The following EBF4 variants were observed in gnomAD, a reference collection of about 807,000 sequenced individuals.
EBF4 encodes transcription factor COE4.
Under a neutral mutation model 67.1 loss-of-function variants are expected in EBF4, and 34 were observed. That is an observed-to-expected ratio of 0.51 (90% confidence interval 0.39 to 0.67). The LOEUF is 0.67. EBF4 is among the 30% of genes least tolerant of loss of function. EBF4 has a pLI of 0.00. For missense variants in EBF4, 837 were observed against 873.3 expected (o/e 0.96, Z 0.52); for synonymous variants, 387 against 377.7 (o/e 1.02, Z -0.29).
At chr20:2,717,280 A>C (rs575416461) in intron 6 of EBF4, among the ~76,000 whole-genome samples, 2 of 152,252 alleles carry the variant, frequency 1.3e-5, no homozygotes, top group African/African-American at 4.8e-5. Flanking sequence ...TTAGGAATAC[A>C]AGAGTAAACA....
At chr20:2,741,255 T>A (rs992793537) in intron 6 of EBF4, among the ~76,000 whole-genome samples, 1 of 151,736 alleles carries the variant, frequency 6.6e-6, no homozygotes, top group Non-Finnish European at 1.5e-5. Context: ...AAGGCTGCAG[T>A]GAGCCAAGAT....
chr20:2,716,704 A>G (rs1459205264), intron 6 of EBF4, among the ~76,000 whole-genome samples: 1 of 152,210 alleles, frequency 6.6e-6, no homozygotes, highest in Non-Finnish European at 1.5e-5. Context: ...GGAACTACCA[A>G]TTATTCCAAT....
At position 2,751,976 on chromosome 20, in the gene EBF4, G is replaced by T; in HGVS notation, c.1162G>T (p.Gly388Cys). 1 of 1,548,360 alleles carries T rather than the reference G, an allele frequency of 6.5e-7. No individual in the cohort carries two copies. The highest frequency in any genetic ancestry group is 8.7e-7 in the Non-Finnish European group (1 of 1,146,588). Reference sequence around the variant, plus strand: ...GGCAGAAGCCCTGTACGGAGTGCCCGGCAGTAACCAGGTATGGCGCCTCCG... The same window carrying T: ...GGCAGAAGCCCTGTACGGAGTGCCCTGCAGTAACCAGGTATGGCGCCTCCG... The change falls in exon 12 of 17, where the codon GGC becomes TGC. Residue 388 changes from glycine to cysteine, a missense_variant. Around this residue, in one of 3 missense-constraint regions of EBF4, gnomAD observed 525 missense variants for 496.5 expected, o/e 1.06. Transcript: ENST00000609451. The surrounding 1 kb of genome is among the most constrained non-coding windows in gnomAD (Gnocchi z 5.2).
In EBF4 at chr20:2,731,200, C is replaced by T. The variant is rs555824904; in HGVS notation, c.558-17349C>T. On this transcript the variant is annotated intron_variant, in intron 6 of 16. Transcript: ENST00000609451. The stretch of plus-strand genomic sequence containing the variant: ...GCATGAGCCACTGTGCCCAGCCCAG[C>T]TTTGCTGTTTGATGACACTGTAAGT... 9.8e-4 allele frequency among the ~76,000 whole-genome samples: 150 copies of T among 152,294 alleles called. 1 individual carries two copies. The highest frequency in any genetic ancestry group is 2.0e-3 in the Non-Finnish European group (136 of 68,030).
intron 2 of EBF4, 106 bp downstream of exon 2, chr20:2,705,839 TGG>T: frequency 1.0e-6 from 1 of 996,620 alleles, no homozygotes; most frequent in Non-Finnish European, 1.4e-6. Context: ...ACACACACAC[TGG>T]GACAGATGAA....
intron 6 of EBF4, among the ~76,000 whole-genome samples, chr20:2,722,322 GT>G (rs374049665): frequency 0.027 from 3,878 of 145,224 alleles, 100 homozygotes; most frequent in Middle Eastern, 0.068. Flanking sequence ...ATTACGAGGT[GT>G]TTTTTTTTTT....
At position 2,693,926 on chromosome 20, in the gene EBF4, G is replaced by A; in HGVS notation, c.137+144G>A. ...GCGAGCTCCCCGGCCCACCCCGTCC[G>A]GAGTGCCTGTGCTGCCTCCTGAGGC... is the stretch of plus-strand genomic sequence containing the variant. On this transcript the variant is annotated intron_variant, in intron 1 of 16. Coordinates refer to ENST00000609451, the Ensembl canonical transcript of EBF4. The surrounding 1 kb of genome is among the most constrained non-coding windows in gnomAD (Gnocchi z 4.6). 1 of 1,124,824 alleles carries A rather than the reference G, an allele frequency of 8.9e-7. No homozygotes were observed. The highest frequency in any genetic ancestry group is 1.1e-6 in the Non-Finnish European group (1 of 888,258). 69.7% of individuals were successfully genotyped at this position (1,124,824 alleles called of 1,614,324 possible). A position where few individuals can be genotyped will look rare whatever the true frequency, so the allele number is the denominator to read the frequency against.
chr20:2,729,810 T>C (rs920960984), intron 6 of EBF4, among the ~76,000 whole-genome samples: 3 of 152,184 alleles, frequency 2.0e-5, no homozygotes, highest in African/African-American at 7.2e-5. Context: ...ATTGTTACCC[T>C]CTAGAAGCAG....
At chr20:2,736,554 C>T (rs988577581) in intron 6 of EBF4, among the ~76,000 whole-genome samples, 6 of 152,206 alleles carry the variant, frequency 3.9e-5, no homozygotes, top group African/African-American at 1.4e-4. Context: ...AGCAGGATCT[C>T]CCACACTCAT....
intron 6 of EBF4, among the ~76,000 whole-genome samples, chr20:2,731,626 A>G (rs1230953671): frequency 5.9e-5 from 9 of 152,246 alleles, no homozygotes; most frequent in Non-Finnish European, 8.8e-5. Flanking sequence ...TAACGGGGAC[A>G]GCCAGCATTC....
intron 6 of EBF4, 74 bp downstream of exon 6, chr20:2,709,716 A>T (rs1177404948): frequency 2.1e-6 from 3 of 1,414,052 alleles, no homozygotes; most frequent in Non-Finnish European, 1.9e-6. Flanking sequence ...ACCACAGAGC[A>T]CCAAGGCTCA....
intron 1 of EBF4, among the ~76,000 whole-genome samples, chr20:2,697,213 G>A (rs2087302615): frequency 6.6e-6 from 1 of 152,160 alleles, no homozygotes; most frequent in Non-Finnish European, 1.5e-5. Context: ...GATCAGCGAG[G>A]GAGGCTCTGC....
Position 2,756,122 on chromosome 20 carries a change from A to G in EBF4, c.1738+298A>G, listed in dbSNP as rs1445438444. Among the ~76,000 whole-genome samples, 3 of 152,110 alleles carry G rather than the reference A, an allele frequency of 2.0e-5. No homozygotes were observed. Among genetic ancestry groups the G allele is most frequent in the Non-Finnish European group, 4.4e-5 (3 of 68,020 alleles). On this transcript the variant is annotated intron_variant, in intron 15 of 16. Coordinates refer to ENST00000609451, the Ensembl canonical transcript of EBF4. This position sits in a 1 kb window ranked among gnomAD's most constrained non-coding sequence, Gnocchi z 4.5. ...GGTCTAGAAACTACCCCAACACTCC[A>G]TCCCCATCCAGCTGAGCCCAGAGCA...
chr20:2,725,838 A>G (rs2087740071), intron 6 of EBF4, among the ~76,000 whole-genome samples: 1 of 152,122 alleles, frequency 6.6e-6, no homozygotes, highest in Admixed American at 6.5e-5. Context: ...TACAGTTCTG[A>G]TATTTGTGTA....
At position 2,706,901 on chromosome 20, in the gene EBF4, T is replaced by G. The variant is rs532766781; in HGVS notation, c.414+637T>G. 3.9e-5 allele frequency among the ~76,000 whole-genome samples: 6 copies of G among 152,284 alleles called. No individual in the cohort carries two copies. In the East Asian group the frequency reaches 1.2e-3, roughly 29 times the overall value. The stretch of plus-strand genomic sequence containing the variant: ...CCTTGCACCTTGCTGATGTGACGGT[T>G]ACGGGAAGGAGGCTCAGAGGCCAGC... On this transcript the variant is annotated intron_variant, in intron 4 of 16. Coordinates refer to ENST00000609451, the Ensembl canonical transcript of EBF4.
intron 6 of EBF4, among the ~76,000 whole-genome samples, chr20:2,715,950 T>G (rs2087602983): frequency 6.6e-6 from 1 of 151,988 alleles, no homozygotes; most frequent in African/African-American, 2.4e-5. Flanking sequence ...GATTTCGCCA[T>G]GTTGGCCAGG....
At chr20:2,757,005 G>A (rs961562468) in intron 15 of EBF4, among the ~76,000 whole-genome samples, 2 of 152,204 alleles carry the variant, frequency 1.3e-5, no homozygotes, top group Non-Finnish European at 2.9e-5. Flanking sequence ...CACCCTCATG[G>A]TTTCCTCAGC....
At chr20:2,750,288 A>G (rs946674366) in intron 10 of EBF4, among the ~76,000 whole-genome samples, 4 of 151,212 alleles carry the variant, frequency 2.6e-5, no homozygotes, top group African/African-American at 9.8e-5. Context: ...TCCCGCCCGC[A>G]CTCTCCAGGG....
In EBF4 at chr20:2,705,381, A is replaced by T. The variant is rs6084135; in HGVS notation, c.138-196A>T. 7.7e-3 allele frequency among the ~76,000 whole-genome samples: 1,178 copies of T among 152,142 alleles called. 13 individuals are homozygous for T. The highest frequency in any genetic ancestry group is 0.025 in the African/African-American group (1,056 of 41,510). On this transcript the variant is annotated intron_variant, in intron 1 of 16. Transcript: ENST00000609451. ...TCCAGGGGGCAGGCTGGGGTGCCCT[A>T]GGTGCTGAGAGACCTCTATCTGGAA... is the stretch of plus-strand genomic sequence containing the variant.
Sources: allele counts gnomAD v4.1 joint callset (sites outside exome capture counted in the v4.1 genomes callset), GRCh38; gene constraint gnomAD v4.1.1; regional missense constraint gnomAD v4.1.1; non-coding constraint Gnocchi (gnomAD v3.1); transcripts MANE v1.5; gene names NCBI Gene and HGNC (gene_info 2026-07-23, HGNC 2026-07-21).